The following ACSS3 variants were observed in gnomAD, a reference collection of about 807,000 sequenced individuals.
The protein encoded by ACSS3 is acyl-CoA synthetase short chain family member 3, also known as acyl-CoA synthetase short-chain family member 3, mitochondrial.
ACSS3 carries 64 observed loss-of-function variants against 84.2 expected under a neutral mutation model. The observed-to-expected ratio is 0.76, with a 90% confidence interval of 0.62 to 0.94. The LOEUF (loss-of-function observed/expected upper bound fraction) is 0.94. Among genes scored for constraint, ACSS3 ranks in the 40% least tolerant of loss-of-function variants. ACSS3 has a pLI of 0.00. For missense variants in ACSS3, 815 were observed against 867.6 expected, an observed-to-expected ratio of 0.94 and a Z score of 0.76; for synonymous variants, 317 against 310.1, an observed-to-expected ratio of 1.02 and a Z score of -0.23.
chr12:81,167,542 G>A (rs1887460123), intron 7 of ACSS3, among the ~76,000 whole-genome samples: 1 of 152,156 alleles, frequency 6.6e-6, no homozygotes, highest in Non-Finnish European at 1.5e-5. Flanking sequence ...GCAAGATGGT[G>A]CCTTGTTTCT....
chr12:81,213,973 T>TCCCTC (rs2032790544), intron 9 of ACSS3, among the ~76,000 whole-genome samples: 2 of 31,292 alleles, frequency 6.4e-5, no homozygotes, highest in African/African-American at 1.7e-4. Flanking sequence ...CTTTCTTTCT[T>TCCCTC]TCTTTCTTTC....
intron 2 of ACSS3, among the ~76,000 whole-genome samples, chr12:81,111,877 C>T (rs956420207): frequency 1.3e-5 from 2 of 152,092 alleles, no homozygotes; most frequent in Non-Finnish European, 2.9e-5. Flanking sequence ...GAATTTCAGT[C>T]TAATAAGAAT....
At chr12:81,135,899 G>A (rs1189697426) in intron 3 of ACSS3, among the ~76,000 whole-genome samples, 1 of 152,062 alleles carries the variant, frequency 6.6e-6, no homozygotes, top group African/African-American at 2.4e-5. Context: ...TATAAGATAA[G>A]GTGTCTGCTT....
intron 1 of ACSS3, among the ~76,000 whole-genome samples, chr12:81,092,309 C>T (rs932379032): frequency 6.6e-6 from 1 of 152,108 alleles, no homozygotes; most frequent in African/African-American, 2.4e-5. Flanking sequence ...CAATGTTACA[C>T]ATCAAGCGAG....
At position 81,256,014 on chromosome 12, in the gene ACSS3, A is replaced by G. The variant is rs2034282821; in HGVS notation, c.*1092A>G. ...CAAGGAAAACTCTTAAGAGAGAAACATCAAGGTTTTCACATTAGGTTAAAG... is the reference window on the plus strand; with the variant it reads ...CAAGGAAAACTCTTAAGAGAGAAACGTCAAGGTTTTCACATTAGGTTAAAG... On this transcript the variant is annotated 3_prime_UTR_variant, in exon 16 of 16. Coordinates refer to ENST00000548058, the MANE Select transcript of ACSS3 (RefSeq NM_024560.4). 6.6e-6 allele frequency: 1 copy of G among 152,208 alleles called. No homozygotes were observed. The highest frequency in any genetic ancestry group is 1.5e-5 in the Non-Finnish European group (1 of 68,034). 9.4% of individuals were successfully genotyped at this position (152,208 alleles called of 1,614,324 possible).
At chr12:81,132,137 C>T (rs1272695908) in intron 2 of ACSS3, among the ~76,000 whole-genome samples, 2 of 152,110 alleles carry the variant, frequency 1.3e-5, no homozygotes, top group Admixed American at 1.3e-4. Flanking sequence ...TGATACTGGC[C>T]TCATAAAATG....
rs555083398 is a variant in ACSS3 at position 81,220,358 on chromosome 12, C to CA, written c.1514+290dup. ...ATAGATGATAAAGTTAACTTACATA[C>CA]AAAAAAAATATGAATAAGTAAATAA... On this transcript the variant is annotated intron_variant, in intron 11 of 15. Transcript: ENST00000548058. Among the ~76,000 whole-genome samples the CA allele has an allele frequency of 4.6e-5, 7 of 151,558 alleles. No homozygotes were observed. In the South Asian group the frequency reaches 6.2e-4, roughly 14 times the overall value.
intron 2 of ACSS3, among the ~76,000 whole-genome samples, chr12:81,120,752 A>G (rs181183389): frequency 2.0e-5 from 3 of 152,308 alleles, no homozygotes; most frequent in African/African-American, 7.2e-5. Flanking sequence ...GAATAAATCA[A>G]TATAGGTTGC....
At chr12:81,253,817 A>C (rs967278782) in intron 15 of ACSS3, 147 bp downstream of exon 15, 1 of 788,370 alleles carries the variant, frequency 1.3e-6, no homozygotes, top group Admixed American at 3.0e-5. Context: ...GTTAAGGGAG[A>C]GATTATATAG....
intron 2 of ACSS3, among the ~76,000 whole-genome samples, chr12:81,127,245 GA>G (rs1482836252): frequency 6.6e-6 from 1 of 151,698 alleles, no homozygotes; most frequent in African/African-American, 2.4e-5. Context: ...TACATTTCTA[GA>G]AGCTTCTTAT....
intron 13 of ACSS3, among the ~76,000 whole-genome samples, chr12:81,249,004 C>T (rs1275425177): frequency 6.6e-6 from 1 of 151,936 alleles, no homozygotes; most frequent in African/African-American, 2.4e-5. Context: ...TCTAGAATAG[C>T]TTTTTATCAA....
chr12:81,177,729 G>A (rs2030596674), intron 8 of ACSS3, among the ~76,000 whole-genome samples: 1 of 152,128 alleles, frequency 6.6e-6, no homozygotes, highest in African/African-American at 2.4e-5. Flanking sequence ...ACCATCACTG[G>A]CCATCAGAGA....
intron 1 of ACSS3, among the ~76,000 whole-genome samples, chr12:81,103,773 G>A (rs947724261): frequency 6.6e-6 from 1 of 152,002 alleles, no homozygotes; most frequent in Admixed American, 6.6e-5. Flanking sequence ...CTACTCTAAA[G>A]TTGCCAACAA....
At chr12:81,134,677 T>C in intron 2 of ACSS3, 139 bp from the exon 3 acceptor site, 1 of 599,446 alleles carries the variant, frequency 1.7e-6, no homozygotes, top group East Asian at 3.3e-5. Context: ...AGCATTATCA[T>C]CATCATCAAA....
At chr12:81,183,599 G>A (rs950111954) in intron 8 of ACSS3, among the ~76,000 whole-genome samples, 3 of 152,110 alleles carry the variant, frequency 2.0e-5, no homozygotes, top group Non-Finnish European at 2.9e-5. Flanking sequence ...GTAAAAAGAT[G>A]GAAGGGGAAC....
Position 81,241,977 on chromosome 12 carries a change from G to A in ACSS3, c.1719+8506G>A, listed in dbSNP as rs867032564. ...GGGTTTTTATGGTTTTAGGTCTAAC[G>A]TTTAAGTCTTTAATCCATCTTGAAT... On this transcript the variant is annotated intron_variant, in intron 13 of 15. Coordinates refer to ENST00000548058, the MANE Select transcript of ACSS3 (RefSeq NM_024560.4). Among the ~76,000 whole-genome samples the A allele has an allele frequency of 5.4e-3, 826 of 152,120 alleles. 11 individuals carry two copies. The highest frequency in any genetic ancestry group is 0.018 in the African/African-American group (743 of 41,532).
At chr12:81,200,955 A>C (rs886195699) in intron 9 of ACSS3, among the ~76,000 whole-genome samples, 2 of 151,966 alleles carry the variant, frequency 1.3e-5, no homozygotes, top group East Asian at 1.9e-4. Context: ...CCTTTGTAAT[A>C]TGAAATATAA....
At chr12:81,153,176 G>A (rs1886696047) in intron 7 of ACSS3, among the ~76,000 whole-genome samples, 1 of 152,160 alleles carries the variant, frequency 6.6e-6, no homozygotes, top group Admixed American at 6.5e-5. Flanking sequence ...GGGAGGCCGA[G>A]GCAGGTGGAT....
chr12:81,120,217 A>C (rs1884461269), intron 2 of ACSS3, among the ~76,000 whole-genome samples: 1 of 152,238 alleles, frequency 6.6e-6, no homozygotes. Context: ...TGTTGGCTTA[A>C]GTTCTAGGAC....
Sources: allele counts gnomAD v4.1 joint callset (sites outside exome capture counted in the v4.1 genomes callset), GRCh38; gene constraint gnomAD v4.1.1; transcripts MANE v1.5; gene names NCBI Gene and HGNC (gene_info 2026-07-23, HGNC 2026-07-21).